The following EPHA6 variants were observed in gnomAD, a reference collection of about 807,000 sequenced individuals.
The protein encoded by EPHA6 is EPH receptor A6.
A neutral mutation model predicts 112.0 loss-of-function variants in EPHA6; 50 were observed. The observed-to-expected ratio is 0.45, with a 90% CI of 0.36 to 0.56. The LOEUF (loss-of-function observed/expected upper bound fraction) is 0.56, where lower values mean the gene tolerates loss of function less well. Ranked by LOEUF, EPHA6 falls within the 20% of genes least tolerant of loss-of-function variation. EPHA6 has a pLI of 0.00. For missense variants in EPHA6, 1,280 were observed against 1,417.4 expected (o/e 0.90, Z 1.56); for synonymous variants, 529 against 490.7 (o/e 1.08, Z -1.03).
Position 96,897,037 on chromosome 3 carries a change from T to C in EPHA6, c.450+30148T>C, listed in dbSNP as rs116211387. Among the ~76,000 whole-genome samples, 709 of 152,280 alleles carry C rather than the reference T, an allele frequency of 4.7e-3. 6 individuals are homozygous for C. The highest frequency in any genetic ancestry group is 0.016 in the African/African-American group (683 of 41,568). On this transcript the variant is annotated intron_variant, in intron 2 of 17. Transcript: ENST00000389672. ...ATAGTATGATCTTTAGAAATATATT[T>C]TATTAGAATTCACTGTTAAGGACTC...
intron 2 of EPHA6, among the ~76,000 whole-genome samples, chr3:96,882,497 T>C (rs1251879117): frequency 6.6e-6 from 1 of 152,094 alleles, no homozygotes; most frequent in Admixed American, 6.5e-5. Context: ...TTTATCCCTT[T>C]CCCACCTCTC....
At chr3:97,651,694 G>T (rs1214782359) in intron 14 of EPHA6, among the ~76,000 whole-genome samples, 1 of 151,928 alleles carries the variant, frequency 6.6e-6, no homozygotes, top group African/African-American at 2.4e-5. Flanking sequence ...CTTTTCCCAT[G>T]ATTTTAGAAC....
chr3:97,025,319 G>A (rs1046459099), intron 3 of EPHA6, among the ~76,000 whole-genome samples: 1 of 152,248 alleles, frequency 6.6e-6, no homozygotes, highest in African/African-American at 2.4e-5. Flanking sequence ...GAGAGAGAAT[G>A]AGTAAATAGG....
intron 3 of EPHA6, among the ~76,000 whole-genome samples, chr3:97,095,942 T>C (rs932333376): frequency 2.4e-4 from 36 of 152,076 alleles, no homozygotes; most frequent in African/African-American, 8.4e-4. Context: ...TTGTTTTGTT[T>C]TTCTTCCACT....
chr3:97,418,508 G>A (rs1047909272), intron 6 of EPHA6, among the ~76,000 whole-genome samples: 6 of 152,094 alleles, frequency 3.9e-5, no homozygotes, highest in African/African-American at 1.2e-4. Context: ...CAGACTTAAA[G>A]CAGCTGTCTT....
chr3:96,962,340 A>C (rs1559625824), intron 2 of EPHA6, among the ~76,000 whole-genome samples: 1 of 151,860 alleles, frequency 6.6e-6, no homozygotes. Flanking sequence ...GCAGAAATGT[A>C]ACATGATAAG....
intron 5 of EPHA6, among the ~76,000 whole-genome samples, chr3:97,365,579 G>A (rs566973486): frequency 3.9e-5 from 6 of 152,060 alleles, no homozygotes; most frequent in African/African-American, 7.2e-5. Flanking sequence ...TAGTAGAGAC[G>A]GAGTTTCACC....
rs1486848950 is a variant in EPHA6 at position 97,759,246 on chromosome 3, A to C, written c.*10545A>C. The stretch of plus-strand genomic sequence containing the variant: ...AGTTGTTGTTGTTGATGACCTTCAC[A>C]AGGTCATCAACTATGAAAATAGTGG... On this transcript the variant is annotated 3_prime_UTR_variant, in exon 18 of 18. Transcript: ENST00000389672. 1.3e-5 allele frequency among the ~76,000 whole-genome samples: 2 copies of C among 151,984 alleles called. No individual in the cohort carries two copies. Among genetic ancestry groups the C allele is most frequent in the Admixed American group, 1.3e-4 (2 of 15,268 alleles).
chr3:97,729,381 G>A (rs2034929708), intron 15 of EPHA6, among the ~76,000 whole-genome samples: 1 of 152,074 alleles, frequency 6.6e-6, no homozygotes, highest in Non-Finnish European at 1.5e-5. Flanking sequence ...CATGGCTGGG[G>A]AGGCCTCACA....
intron 15 of EPHA6, among the ~76,000 whole-genome samples, chr3:97,729,896 T>G (rs2034958675): frequency 6.6e-6 from 1 of 152,042 alleles, no homozygotes. Flanking sequence ...AAATTATAGG[T>G]TTTCCACAAA....
chr3:97,298,116 A>G (rs1486308054), intron 5 of EPHA6, among the ~76,000 whole-genome samples: 6 of 152,160 alleles, frequency 3.9e-5, no homozygotes, highest in African/African-American at 1.4e-4. Context: ...TCCTTTTCCA[A>G]ATCCTTTGAT....
intron 5 of EPHA6, among the ~76,000 whole-genome samples, chr3:97,377,187 A>ACTC (rs2085417950): frequency 6.6e-6 from 1 of 152,034 alleles, no homozygotes; most frequent in African/African-American, 2.4e-5. Context: ...TGTGGGAGGG[A>ACTC]CTCAATAGGA....
At position 97,754,659 on chromosome 3, in the gene EPHA6, A is replaced by T. The variant is rs189863659; in HGVS notation, c.*5958A>T. On this transcript the variant is annotated 3_prime_UTR_variant, in exon 18 of 18. Transcript: ENST00000389672. The stretch of plus-strand genomic sequence containing the variant: ...TTGTATATCTCAGTGACATCAAGTG[A>T]TTTTTGCACTGTCCCATTGAAAGCA... 7.6e-4 allele frequency among the ~76,000 whole-genome samples: 116 copies of T among 152,292 alleles called. No homozygotes were observed. The highest frequency in any genetic ancestry group is 3.4e-3 in the Middle Eastern group (1 of 294).
chr3:97,493,668 T>C (rs1361067665), intron 10 of EPHA6, among the ~76,000 whole-genome samples: 1 of 145,176 alleles, frequency 6.9e-6, no homozygotes, highest in Non-Finnish European at 1.5e-5. Context: ...AAGCAAGATA[T>C]TACCTGATGA....
At chr3:97,332,410 C>A (rs1209936241) in intron 5 of EPHA6, among the ~76,000 whole-genome samples, 1 of 151,824 alleles carries the variant, frequency 6.6e-6, no homozygotes, top group Non-Finnish European at 1.5e-5. Context: ...CTGGCCAGGG[C>A]AATCAGGCAG....
chr3:96,964,852 A>G (rs562630529), intron 2 of EPHA6, among the ~76,000 whole-genome samples: 2 of 152,302 alleles, frequency 1.3e-5, no homozygotes, highest in East Asian at 3.9e-4. Flanking sequence ...GCAAAAGTCT[A>G]CTGTCTTCAT....
intron 6 of EPHA6, among the ~76,000 whole-genome samples, chr3:97,427,510 A>T (rs1216595463): frequency 6.6e-6 from 1 of 152,126 alleles, no homozygotes; most frequent in Non-Finnish European, 1.5e-5. Flanking sequence ...GGACACATAG[A>T]GGAATAACAG....
chr3:97,689,960 A>G (rs2032544804), intron 14 of EPHA6, among the ~76,000 whole-genome samples: 1 of 152,244 alleles, frequency 6.6e-6, no homozygotes, highest in Non-Finnish European at 1.5e-5. Context: ...ATGTATCAAT[A>G]CTTCATTCCT....
At chr3:96,863,061 T>C (rs1053137917) in intron 1 of EPHA6, among the ~76,000 whole-genome samples, 1 of 152,032 alleles carries the variant, frequency 6.6e-6, no homozygotes, top group Non-Finnish European at 1.5e-5. Flanking sequence ...TTTTAGAACT[T>C]TATTTTATTG....
Sources: gnomAD v4.1 joint callset for allele counts (sites outside exome capture counted in the v4.1 genomes callset) on GRCh38, gnomAD v4.1.1 for gene constraint, MANE v1.5 for transcripts, NCBI Gene and HGNC (gene_info 2026-07-23, HGNC 2026-07-21) for gene names.